WDPCP: variants seen among roughly 807,000 people sequenced by gnomAD.
The protein encoded by WDPCP is WD repeat containing planar cell polarity effector.
WDPCP carries 71 observed loss-of-function variants against 93.1 expected under a neutral mutation model. The observed-to-expected ratio is 0.76, with a 90% CI of 0.63 to 0.93. The LOEUF (loss-of-function observed/expected upper bound fraction) is 0.93. Among genes scored for constraint, WDPCP ranks in the 40% least tolerant of loss-of-function variants. WDPCP has a pLI of 0.00. For synonymous variants in WDPCP, 315 were observed against 315.0 expected (o/e 1.00, Z 0.00); for missense variants, 844 against 887.4 (o/e 0.95, Z 0.62).
chr2:63,616,699 C>T (rs1709676316), intron 3 of WDPCP, among the ~76,000 whole-genome samples: 1 of 151,888 alleles, frequency 6.6e-6, no homozygotes, highest in Non-Finnish European at 1.5e-5. Flanking sequence ...AAATAAGTAG[C>T]ATTATTTAAA....
At position 63,459,676 on chromosome 2, in the gene WDPCP, G is replaced by A. The variant is rs190358262; in HGVS notation, c.385-19805C>T. Among the ~76,000 whole-genome samples, 3 of 152,342 alleles carry A rather than the reference G, an allele frequency of 2.0e-5. No homozygotes were observed. The East Asian group carries it at 5.8e-4, about 29-fold the overall frequency. On this transcript the variant is annotated intron_variant, in intron 6 of 17. Transcript: ENST00000272321. Reference sequence around the variant, plus strand: ...CACGCCTGTAATCCCAGCACTTTGGGAGGCTGAGGCAGGCAGATCACCGGA... The same window carrying A: ...CACGCCTGTAATCCCAGCACTTTGGAAGGCTGAGGCAGGCAGATCACCGGA...
At chr2:63,233,091 T>TTAAG (rs1679072925) in intron 14 of WDPCP, 1 of 157,074 alleles carries the variant, frequency 6.4e-6, no homozygotes, top group African/African-American at 2.4e-5. Flanking sequence ...TGTACTCTTT[T>TTAAG]TAAGTTCCTG....
intron 12 of WDPCP, among the ~76,000 whole-genome samples, chr2:63,313,872 A>ATATATATGTGTGTG (rs1686390857): frequency 9.8e-6 from 1 of 101,604 alleles, no homozygotes; most frequent in African/African-American, 3.7e-5. Flanking sequence ...ATATATATAT[A>ATATATATGTGTGTG]TATATATATA....
chr2:63,403,368 C>G (rs1285306042), intron 10 of WDPCP, among the ~76,000 whole-genome samples: 1 of 151,838 alleles, frequency 6.6e-6, no homozygotes, highest in Admixed American at 6.6e-5. Context: ...ACAGCAAACC[C>G]CCGTGACACG....
chr2:63,713,722 T>C (rs1669293760), intron 2 of WDPCP, among the ~76,000 whole-genome samples: 1 of 152,210 alleles, frequency 6.6e-6, no homozygotes, highest in Non-Finnish European at 1.5e-5. Context: ...TTCTGCCAAC[T>C]AGAATGTTTT....
intron 14 of WDPCP, among the ~76,000 whole-genome samples, chr2:63,227,167 C>T (rs1166789180): frequency 1.3e-5 from 2 of 151,890 alleles, no homozygotes; most frequent in African/African-American, 4.8e-5. Flanking sequence ...ATGTTTTATC[C>T]TCTATCTCAT....
Position 63,152,913 on chromosome 2 carries a change from C to A in WDPCP, c.2190+1G>T. ...AGTAATAAACAGAGAAAGTGTTTTACCTGTTCTCTGCCGTCTTCTCTCAGT... is the reference window on the plus strand; with the variant it reads ...AGTAATAAACAGAGAAAGTGTTTTAACTGTTCTCTGCCGTCTTCTCTCAGT... On this transcript the variant is annotated splice_donor_variant, in intron 17 of 17. Coordinates refer to ENST00000272321, the MANE Select transcript of WDPCP (RefSeq NM_015910.7). LOFTEE classifies it high-confidence loss of function. 2 of 1,611,258 alleles carry A rather than the reference C, an allele frequency of 1.2e-6. No homozygotes were observed. The highest frequency in any genetic ancestry group is 1.7e-6 in the Non-Finnish European group (2 of 1,177,726).
At chr2:63,726,032 G>A (rs906506136) in intron 2 of WDPCP, among the ~76,000 whole-genome samples, 1 of 152,144 alleles carries the variant, frequency 6.6e-6, no homozygotes, top group Non-Finnish European at 1.5e-5. Context: ...CTGTGCAGAA[G>A]CTCTTTAGTT....
intron 15 of WDPCP, among the ~76,000 whole-genome samples, chr2:63,153,993 C>A (rs1018932917): frequency 6.6e-6 from 1 of 151,636 alleles, no homozygotes; most frequent in Admixed American, 6.6e-5. Flanking sequence ...AGAAAACCCC[C>A]CACCAAAACA....
At chr2:63,230,752 T>G (rs1320814625) in intron 14 of WDPCP, among the ~76,000 whole-genome samples, 4 of 152,198 alleles carry the variant, frequency 2.6e-5, no homozygotes, top group South Asian at 2.1e-4. Flanking sequence ...GAAGTGTATG[T>G]TCATATCCTT....
intron 14 of WDPCP, among the ~76,000 whole-genome samples, chr2:63,230,914 C>G (rs1044181603): frequency 6.6e-6 from 1 of 152,154 alleles, no homozygotes; most frequent in Admixed American, 6.6e-5. Flanking sequence ...GTTTCTTTCA[C>G]TGTGCAGAAG....
chr2:63,771,740 T>C (rs1670229220), intron 2 of WDPCP, among the ~76,000 whole-genome samples: 1 of 151,956 alleles, frequency 6.6e-6, no homozygotes, highest in African/African-American at 2.4e-5. Context: ...CTATTGTGCT[T>C]ATCTTTGTGT....
At chr2:63,312,141 C>T (rs935440597) in intron 13 of WDPCP, among the ~76,000 whole-genome samples, 17 of 151,992 alleles carry the variant, frequency 1.1e-4, no homozygotes, top group Admixed American at 3.3e-4. Context: ...ATGCAGATGA[C>T]GAACAATAGA....
Position 63,138,069 on chromosome 2 carries a change from ATTT to A in WDPCP, c.2190+14842_2190+14844del, listed in dbSNP as rs34667163. On this transcript the variant is annotated intron_variant, in intron 17 of 17. Transcript: ENST00000272321. Reference sequence around the variant, plus strand: ...TTGGACTCTTTTTAGGTTCCATATGATTTTTTTTTTTTTTTTTTTGGTGCACAT... The same window carrying A: ...TTGGACTCTTTTTAGGTTCCATATGATTTTTTTTTTTTTTTTGGTGCACAT... 9.2e-4 allele frequency among the ~76,000 whole-genome samples: 108 copies of A among 117,074 alleles called. No individual in the cohort carries two copies. The Middle Eastern group carries it at 0.019, about 20-fold the overall frequency. The allele number at this position is 117,074 out of a possible 152,430, so 76.8% of individuals were successfully genotyped here.
chr2:63,749,109 G>T (rs932239978), intron 2 of WDPCP, among the ~76,000 whole-genome samples: 1 of 152,064 alleles, frequency 6.6e-6, no homozygotes, highest in Non-Finnish European at 1.5e-5. Flanking sequence ...GGACAAGAAA[G>T]GGATGGGTTT....
intron 1 of WDPCP, among the ~76,000 whole-genome samples, chr2:63,573,730 C>A (rs1452235233): frequency 6.6e-6 from 1 of 152,190 alleles, no homozygotes; most frequent in Non-Finnish European, 1.5e-5. Context: ...TAAACTCTGA[C>A]CGCCAGTGAG....
chr2:63,326,606 GAGAC>G (rs1405607881), intron 12 of WDPCP, among the ~76,000 whole-genome samples: 4 of 151,574 alleles, frequency 2.6e-5, no homozygotes, highest in East Asian at 3.9e-4. Flanking sequence ...AAGAGAGAAA[GAGAC>G]AGAGAGAGGA....
At chr2:63,687,949 A>G (rs1292322935) in intron 2 of WDPCP, among the ~76,000 whole-genome samples, 1 of 152,234 alleles carries the variant, frequency 6.6e-6, no homozygotes, top group Non-Finnish European at 1.5e-5. Flanking sequence ...GTGTCCATCA[A>G]CAGATGAATG....
chr2:63,188,508 T>A (rs1282600831), intron 14 of WDPCP, among the ~76,000 whole-genome samples: 1 of 152,030 alleles, frequency 6.6e-6, no homozygotes, highest in African/African-American at 2.4e-5. Flanking sequence ...TATTTTTGTT[T>A]TTTTTTCAAG....
Sources: allele counts gnomAD v4.1 joint callset (sites outside exome capture counted in the v4.1 genomes callset), GRCh38; gene constraint gnomAD v4.1.1; transcripts MANE v1.5; gene names NCBI Gene and HGNC (gene_info 2026-07-23, HGNC 2026-07-21).